Variants in ITGAM observed in about 807,000 individuals in gnomAD.
ITGAM encodes the protein integrin subunit alpha M, also known as integrin alpha-M.
A neutral mutation model predicts 137.5 loss-of-function variants in ITGAM; 79 were observed. The ratio of observed to expected loss-of-function variants is 0.57; its 90% CI spans 0.48 to 0.69. The LOEUF is 0.69. Ranked by LOEUF, ITGAM falls within the 30% of genes least tolerant of loss-of-function variation. The pLI is 0.00. For missense variants in ITGAM, 1,343 were observed against 1,483.5 expected (o/e 0.91, Z 1.56); for synonymous variants, 583 against 592.3 (o/e 0.98, Z 0.23).
At chr16:31,331,404 C>T in intron 29 of ITGAM, 129 bp downstream of exon 29, 1 of 699,992 alleles carries the variant, frequency 1.4e-6, no homozygotes, top group South Asian at 1.7e-5. Context: ...CTCTCTGCGC[C>T]TCAGTCTCTT....
rs3087796 is a variant in ITGAM, at chr16:31,332,332, A to G, written c.*625A>G. ...TGAGAAGCCGTGGGTGGAACCAGGA[A>G]CCTCCTCCACACCAGCGCTGATGCC... On this transcript the variant is annotated 3_prime_UTR_variant, in exon 30 of 30. Transcript: ENST00000544665. The G allele has an allele frequency of 0.73, 110,637 of 152,232 alleles. 41,265 individuals carry two copies. The highest frequency in any genetic ancestry group is 0.9 in the African/African-American group (37,280 of 41,542). 9.4% of individuals were successfully genotyped at this position (152,232 alleles called of 1,614,324 possible).
chr16:31,280,630 G>A (rs28855735), intron 12 of ITGAM, among the ~76,000 whole-genome samples: 35,735 of 152,060 alleles, frequency 0.24, 6,586 homozygotes, highest in African/African-American at 0.51. Context: ...GCTTAAGGAC[G>A]TTTTGGGTTG....
chr16:31,275,463 T>C, intron 8 of ITGAM, 86 bp from the exon 9 acceptor site: 2 of 1,372,186 alleles, frequency 1.5e-6, no homozygotes, highest in Non-Finnish European at 2.0e-6. Context: ...TAAATAATGG[T>C]TCAGACTAGT....
At position 31,271,983 on chromosome 16, in the gene ITGAM, G is replaced by A. The variant is rs368628624; in HGVS notation, c.695G>A (p.Arg232His). The A allele has an allele frequency of 1.3e-5, 21 of 1,613,876 alleles. No homozygotes were observed. Among genetic ancestry groups the A allele is most frequent in the African/African-American group, 5.3e-5 (4 of 74,920 alleles). ...LGRTHTATGI[R>H]KVVRELFNIT... ...CGGACACACACGGCCACGGGCATCC[G>A]CAAAGTGGTGTAAGCTTCCCCTTTT... The change falls in exon 7 of 30, where the codon CGC (arginine) becomes CAC (histidine). Residue 232 changes from arginine to histidine, a missense_variant. Coordinates refer to ENST00000544665, the MANE Select transcript of ITGAM (RefSeq NM_000632.4).
chr16:31,286,506 G>A (rs1242990928), intron 12 of ITGAM, among the ~76,000 whole-genome samples: 1 of 152,120 alleles, frequency 6.6e-6, no homozygotes, highest in Non-Finnish European at 1.5e-5. Context: ...TGCCTTACCA[G>A]CATCTGTTAT....
chr16:31,302,931 TCTTTCTTTCTTTCTTTC>T (rs2080225798), intron 14 of ITGAM, among the ~76,000 whole-genome samples: 1 of 33,340 alleles, frequency 3.0e-5, no homozygotes, highest in Admixed American at 3.5e-4. Context: ...TTTCTTTCTT[TCTTTCTTTCTTTCTTTC>T]TTTCTTTCTT....
rs768920728 is a variant in ITGAM, at chr16:31,296,106, CTTTTTTT to C, written c.1357-1396_1357-1390del. 2.3e-5 allele frequency among the ~76,000 whole-genome samples: 3 copies of C among 131,042 alleles called. No homozygotes were observed. In the East Asian group the frequency reaches 6.6e-4, roughly 29 times the overall value. The allele number at this position is 131,042 out of a possible 152,430, so 86.0% of individuals were successfully genotyped here. ...TTGATCATGGTTATTATCTTTTTATCTTTTTTTTTTTTTTTTTTAACAGAGTCTCTCT... is the reference window on the plus strand; with the variant it reads ...TTGATCATGGTTATTATCTTTTTATCTTTTTTTTTTTAACAGAGTCTCTCT... On this transcript the variant is annotated intron_variant, in intron 12 of 29. Transcript: ENST00000544665.
intron 8 of ITGAM, among the ~76,000 whole-genome samples, chr16:31,275,065 C>T (rs2079891636): frequency 6.6e-6 from 1 of 152,052 alleles, no homozygotes; most frequent in Admixed American, 6.6e-5. Context: ...TGTCTGAGCC[C>T]AGAGGCAATG....
chr16:31,291,883 G>A (rs1453529561), intron 12 of ITGAM, among the ~76,000 whole-genome samples: 2 of 151,948 alleles, frequency 1.3e-5, no homozygotes, highest in Non-Finnish European at 2.9e-5. Flanking sequence ...AGCACAGTAG[G>A]GTGACTATAG....
chr16:31,331,808 C>A lies in ITGAM; in HGVS notation c.*101C>A. The A allele has an allele frequency of 1.1e-6, 1 of 886,182 alleles. No homozygotes were observed. Among genetic ancestry groups the A allele is most frequent in the Non-Finnish European group, 1.7e-6 (1 of 576,942 alleles). The allele number at this position is 886,182 out of a possible 1,614,324, so 54.9% of individuals were successfully genotyped here. On this transcript the variant is annotated 3_prime_UTR_variant, in exon 30 of 30. Coordinates refer to ENST00000544665, the MANE Select transcript of ITGAM (RefSeq NM_000632.4). ...TGGACACGTCGGACAGCGAAGTATC[C>A]CCGACAGGACGGGCTTGGGCTTCCA...
At chr16:31,328,711 G>A (rs551568997) in intron 23 of ITGAM, among the ~76,000 whole-genome samples, 1 of 150,272 alleles carries the variant, frequency 6.7e-6, no homozygotes, top group Non-Finnish European at 1.5e-5. Context: ...TGTGTATGAG[G>A]ATCTGTGTGC....
At position 31,329,813 on chromosome 16, in the gene ITGAM, C is replaced by A. The variant is rs1376747687; in HGVS notation, c.2884C>A (p.Gln962Lys). The change falls in exon 25 of 30, where the codon CAG becomes AAG. Residue 962 changes from glutamine to lysine, a missense_variant. Coordinates refer to ENST00000544665, the MANE Select transcript of ITGAM (RefSeq NM_000632.4). ...CCCGGTGCAGGTCAGCAACCTGGGG[C>A]AGAGGAGCCTCCCCATCAGCCTGGT... ...QHQYQVSNLG[Q>K]RSLPISLVFL... is the part of the protein sequence containing the mutation. 6.4e-7 allele frequency: 1 copy of A among 1,556,808 alleles called. No individual in the cohort carries two copies. Among genetic ancestry groups the A allele is most frequent in the Non-Finnish European group, 8.7e-7 (1 of 1,150,190 alleles).
At chr16:31,280,778 G>T (rs2079960363) in intron 12 of ITGAM, among the ~76,000 whole-genome samples, 1 of 152,160 alleles carries the variant, frequency 6.6e-6, no homozygotes, top group South Asian at 2.1e-4. Context: ...GTGAGAGAGG[G>T]CATCTCTGTC....
At chr16:31,302,659 C>T (rs527546783) in intron 14 of ITGAM, among the ~76,000 whole-genome samples, 3 of 151,416 alleles carry the variant, frequency 2.0e-5, no homozygotes, top group African/African-American at 4.8e-5. Flanking sequence ...CTCAGCCTGC[C>T]GAGTAGCTGA....
At chr16:31,275,095 C>T (rs1250888341) in intron 8 of ITGAM, among the ~76,000 whole-genome samples, 1 of 152,062 alleles carries the variant, frequency 6.6e-6, no homozygotes. Context: ...GATGACTCCA[C>T]CAAGAGCAGG....
intron 8 of ITGAM, 59 bp downstream of exon 8, chr16:31,273,577 C>T: frequency 6.5e-7 from 1 of 1,541,680 alleles, no homozygotes; most frequent in Admixed American, 1.8e-5. Context: ...TGGATCCATC[C>T]TCCCTTCAAT....
At chr16:31,266,006 C>T in intron 4 of ITGAM, 24 bp from the exon 5 acceptor site, 1 of 1,605,948 alleles carries the variant, frequency 6.2e-7, no homozygotes, top group Non-Finnish European at 8.5e-7. Context: ...GGGGCAGCCC[C>T]TTCCACTGGC....
intron 8 of ITGAM, among the ~76,000 whole-genome samples, chr16:31,274,605 T>A (rs2079885774): frequency 2.2e-5 from 3 of 134,634 alleles, no homozygotes; most frequent in Non-Finnish European, 4.5e-5. Context: ...TTATTTTATT[T>A]ATTTATATTT....
At chr16:31,330,013 T>C in intron 25 of ITGAM, 68 bp from the exon 26 acceptor site, 1 of 1,560,638 alleles carries the variant, frequency 6.4e-7, no homozygotes, top group Non-Finnish European at 8.7e-7. Flanking sequence ...ACCCAGGCCA[T>C]CTCACCTCCC....
Sources: allele counts gnomAD v4.1 joint callset (sites outside exome capture counted in the v4.1 genomes callset), GRCh38; gene constraint gnomAD v4.1.1; transcripts MANE v1.5; gene names NCBI Gene and HGNC (gene_info 2026-07-23, HGNC 2026-07-21).